DDX25: variants seen among roughly 807,000 people sequenced by gnomAD.
The protein encoded by DDX25 is ATP-dependent RNA helicase DDX25.
Under a neutral mutation model 64.6 loss-of-function variants are expected in DDX25, and 70 were observed. That is an observed-to-expected ratio of 1.08 (90% CI 0.89 to 1.32). The LOEUF is 1.32. Among genes scored for constraint, DDX25 ranks in the 40% most tolerant of loss-of-function variants. The pLI is 0.00. For synonymous variants in DDX25, 211 were observed against 213.3 expected (o/e 0.99, Z 0.09); for missense variants, 587 against 604.4 (o/e 0.97, Z 0.30).
intron 6 of DDX25, 109 bp from the exon 7 acceptor site, chr11:125,910,255 C>A: frequency 1.2e-6 from 1 of 832,716 alleles, no homozygotes. Flanking sequence ...CAACCAAAAC[C>A]TTCAATTTCC....
intron 4 of DDX25, among the ~76,000 whole-genome samples, chr11:125,907,873 A>C (rs1944915235): frequency 6.6e-6 from 1 of 152,248 alleles, no homozygotes; most frequent in East Asian, 1.9e-4. Flanking sequence ...TAGGCAGAAA[A>C]TATAACTCTC....
rs116333528 is a variant in DDX25, at chr11:125,910,358, C to T, written c.508-6C>T. On this transcript the variant is annotated splice_polypyrimidine_tract_variant and splice_region_variant and intron_variant, in intron 6 of 11. Coordinates refer to ENST00000263576, the MANE Select transcript of DDX25 (RefSeq NM_013264.5). ...TCTCCTCCCCTCTTCTCTCTCTATC[C>T]CACAGTGCCTCTGCCTAGCTCCTAC... 1,813 of 1,613,152 alleles carry T rather than the reference C, an allele frequency of 1.1e-3. 16 individuals are homozygous for T. In the African/African-American group the frequency reaches 0.021, roughly 19 times the overall value.
chr11:125,906,111 C>G lies in DDX25; in HGVS notation c.213C>G (p.Ile71Met). The change falls in exon 4 of 12, where the codon ATC becomes ATG. Residue 71 changes from isoleucine to methionine, a missense_variant. Coordinates refer to ENST00000263576, the MANE Select transcript of DDX25 (RefSeq NM_013264.5). The part of the protein sequence containing the change: ...LAANSLLNKL[I>M]HQSLVESSHR... ...CTAATTCACTCTTAAACAAGTTAAT[C>G]CATCAATCCTTAGTAGAATCCAGTC... 5.2e-6 allele frequency: 8 copies of G among 1,547,390 alleles called. No homozygotes were observed. Among genetic ancestry groups the G allele is most frequent in the Non-Finnish European group, 7.0e-6 (8 of 1,145,938 alleles).
chr11:125,920,952 A>G (rs1326684464), intron 10 of DDX25: 5 of 480,318 alleles, frequency 1.0e-5, no homozygotes, highest in Non-Finnish European at 1.9e-5. Flanking sequence ...ACACACACAC[A>G]CGCCTTGTGT....
rs901623640 is a variant in DDX25 at position 125,924,406 on chromosome 11, A to G, written c.*1525A>G. The stretch of plus-strand genomic sequence containing the variant: ...AGCCTAATGGCAGAGACCTAGAATA[A>G]GCCAGCATGATAACAGACTGTGCTA... On this transcript the variant is annotated 3_prime_UTR_variant, in exon 12 of 12. Coordinates refer to ENST00000263576, the MANE Select transcript of DDX25 (RefSeq NM_013264.5). The G allele has an allele frequency of 6.6e-6, 1 of 152,292 alleles. No individual in the cohort carries two copies. The highest frequency in any genetic ancestry group is 2.4e-5 in the African/African-American group (1 of 41,460). The allele number at this position is 152,292 out of a possible 1,614,324, so 9.4% of individuals were successfully genotyped here. A position where few individuals can be genotyped will look rare whatever the true frequency, so the allele number is the denominator to read the frequency against.
Position 125,906,076 on chromosome 11 carries a change from G to C in DDX25, c.178G>C (p.Asp60His), listed in dbSNP as rs574654222. ...INEDDEEDVV[D>H]LAANSLLNKL... ...CTTTTTTATTTTTGCTTTTCTAGTGGATTTGGCAGCTAATTCACTCTTAAA... is the reference window on the plus strand; with the variant it reads ...CTTTTTTATTTTTGCTTTTCTAGTGCATTTGGCAGCTAATTCACTCTTAAA... Residue 60 changes from aspartate to histidine, a missense_variant and splice_region_variant, in exon 4 of 12, where the codon GAT becomes CAT. Transcript: ENST00000263576. 33 of 1,528,818 alleles carry C rather than the reference G, an allele frequency of 2.2e-5. No individual in the cohort carries two copies. In the South Asian group the frequency reaches 3.9e-4, roughly 18 times the overall value. The allele number at this position is 1,528,818 out of a possible 1,614,324, so 94.7% of individuals were successfully genotyped here. A position where few individuals can be genotyped will look rare whatever the true frequency, so the allele number is the denominator to read the frequency against.
rs191578041 is a variant in DDX25, at chr11:125,923,142, A to C, written c.*261A>C. The C allele has an allele frequency of 6.3e-5, 26 of 415,500 alleles. No homozygotes were observed. The highest frequency in any genetic ancestry group is 4.4e-4 in the African/African-American group (22 of 49,456). 25.7% of individuals were successfully genotyped at this position (415,500 alleles called of 1,614,324 possible). On this transcript the variant is annotated 3_prime_UTR_variant, in exon 12 of 12. Coordinates refer to ENST00000263576, the MANE Select transcript of DDX25 (RefSeq NM_013264.5). ...TACAGGTAATGTCTCAATGTGGGCT[A>C]TGGGGGTGTTTTTGGATTTGGTTGA...
intron 7 of DDX25, 110 bp from the exon 8 acceptor site, chr11:125,911,201 T>A (rs1944962823): frequency 9.4e-7 from 1 of 1,068,646 alleles, no homozygotes; most frequent in Non-Finnish European, 1.2e-6. Context: ...ACTTGGAAAA[T>A]TATTACAAAC....
intron 7 of DDX25, 29 bp downstream of exon 7, chr11:125,910,507 A>C: frequency 6.2e-7 from 1 of 1,603,122 alleles, no homozygotes. Flanking sequence ...GTCCTGGCTG[A>C]TTTTTCAAAT....
chr11:125,926,546 CTT>C lies in DDX25; in HGVS notation c.*3678_*3679del, dbSNP rs1365483473. On this transcript the variant is annotated 3_prime_UTR_variant, in exon 12 of 12. Transcript: ENST00000263576. ...GAGAGAATTTGACATTTTCCCTTCT[CTT>C]TTTTTTTTTTTTGAGATGGAGTCTC... is the stretch of plus-strand genomic sequence containing the variant. The C allele has an allele frequency of 9.0e-5, 13 of 143,720 alleles. No homozygotes were observed. The highest frequency in any genetic ancestry group is 2.1e-4 in the Admixed American group (3 of 14,312). The allele number at this position is 143,720 out of a possible 1,614,324, so 8.9% of individuals were successfully genotyped here. A position where few individuals can be genotyped will look rare whatever the true frequency, so the allele number is the denominator to read the frequency against.
At chr11:125,919,570 TCAAGAGA>T (rs1945085276) in intron 10 of DDX25, among the ~76,000 whole-genome samples, 1 of 147,362 alleles carries the variant, frequency 6.8e-6, no homozygotes, top group African/African-American at 2.5e-5. Context: ...TTTTTTTTTT[TCAAGAGA>T]AGGGCCTTCC....
In DDX25 at chr11:125,921,232, C is replaced by G. The variant is rs1398495314; in HGVS notation, c.1243C>G (p.Leu415Val). The G allele has an allele frequency of 6.2e-7, 1 of 1,612,498 alleles. No homozygotes were observed. The highest frequency in any genetic ancestry group is 8.5e-7 in the Non-Finnish European group (1 of 1,179,528). ...GGTCACAATTGTTGTGAACTTTGAT[C>G]TCCCTGTAAAACAAGGAGAGGAGCC... The part of the protein sequence containing the change: ...KQVTIVVNFD[L>V]PVKQGEEPDY... The change falls in exon 11 of 12, where the codon CTC becomes GTC. Residue 415 changes from leucine (L) to valine (V), a missense_variant. Coordinates refer to ENST00000263576, the MANE Select transcript of DDX25 (RefSeq NM_013264.5). The surrounding 1 kb of genome is among the most constrained non-coding windows in gnomAD (Gnocchi z 4.1).
In DDX25 at chr11:125,910,473, A is replaced by G. The variant is rs1427328657; in HGVS notation, c.617A>G (p.Asn206Ser). 1.2e-6 allele frequency: 2 copies of G among 1,613,752 alleles called. No homozygotes were observed. Among genetic ancestry groups the G allele is most frequent in the South Asian group, 2.2e-5 (2 of 91,058 alleles). ...CAAGTGATGTATGCCATTCGAGGGA[A>G]TCGAAGTATGTACCAGTAAGCCAGT... Reference protein sequence around the residue: ...DVQVMYAIRGNRIPRGTDITK... With the variant: ...DVQVMYAIRGSRIPRGTDITK... Residue 206 changes from asparagine (N) to serine (S), a missense_variant, in exon 7 of 12, where the codon AAT (asparagine) becomes AGT (serine). Coordinates refer to ENST00000263576, the MANE Select transcript of DDX25 (RefSeq NM_013264.5).
chr11:125,910,033 T>A (rs758148054), intron 6 of DDX25, among the ~76,000 whole-genome samples: 39 of 152,164 alleles, frequency 2.6e-4, no homozygotes, highest in Non-Finnish European at 4.4e-4. Context: ...ATTCATTGAT[T>A]CCCAGCTTCC....
At position 125,926,933 on chromosome 11, in the gene DDX25, C is replaced by T. The variant is rs1425916281; in HGVS notation, c.*4052C>T. ...GATGTTTTCACCCTCGGGGTTCTGC[C>T]TTATCCCCTGCCACCCTCCTGTGCT... On this transcript the variant is annotated 3_prime_UTR_variant, in exon 12 of 12. Transcript: ENST00000263576. 1.3e-5 allele frequency: 2 copies of T among 152,352 alleles called. No homozygotes were observed. Among genetic ancestry groups the T allele is most frequent in the Non-Finnish European group, 2.9e-5 (2 of 68,176 alleles). The allele number at this position is 152,352 out of a possible 1,614,324, so 9.4% of individuals were successfully genotyped here. A position where few individuals can be genotyped will look rare whatever the true frequency, so the allele number is the denominator to read the frequency against.
chr11:125,904,323 C>A (rs1182168193), upstream of DDX25: 1 of 405,820 alleles, frequency 2.5e-6, no homozygotes, highest in Non-Finnish European at 4.3e-6. Context: ...CTCTGCCCCC[C>A]GCCCCGCTCT....
In DDX25 at chr11:125,928,682, A is replaced by G. The variant is rs1372142107; in HGVS notation, c.*5801A>G. 1.3e-5 allele frequency: 2 copies of G among 152,206 alleles called. No individual in the cohort carries two copies. The highest frequency in any genetic ancestry group is 4.8e-5 in the African/African-American group (2 of 41,462). 9.4% of individuals were successfully genotyped at this position (152,206 alleles called of 1,614,324 possible). A position where few individuals can be genotyped will look rare whatever the true frequency, so the allele number is the denominator to read the frequency against. ...TGTTTCTCTTAGTACAAGCAAGATT[A>G]TATTTTTTAAAGTGGTTCATCATTT... On this transcript the variant is annotated 3_prime_UTR_variant, in exon 12 of 12. Transcript: ENST00000263576.
Position 125,917,312 on chromosome 11 carries a change from C to T in DDX25, c.1038+61C>T, listed in dbSNP as rs188061977. The T allele has an allele frequency of 7.9e-5, 117 of 1,480,772 alleles. 3 individuals are homozygous for T. In the South Asian group the frequency reaches 9.9e-4, roughly 13 times the overall value. 91.7% of individuals were successfully genotyped at this position (1,480,772 alleles called of 1,614,324 possible). The stretch of plus-strand genomic sequence containing the variant: ...TATGCCTACAGGCCGAGGTGGGGGA[C>T]GACAATAAGTGCCCTAGAGCCAGGC... On this transcript the variant is annotated intron_variant, in intron 9 of 11. Transcript: ENST00000263576.
In DDX25 at chr11:125,910,435, C is replaced by G. The variant is rs1367137965; in HGVS notation, c.579C>G (p.Phe193Leu). The G allele has an allele frequency of 1.2e-6, 2 of 1,613,972 alleles. No homozygotes were observed. The highest frequency in any genetic ancestry group is 1.7e-6 in the Non-Finnish European group (2 of 1,179,874). ...TGRVVEQMGK[F>L]CVDVQVMYAI... ...GTGTGGTTGAGCAGATGGGAAAATTCTGTGTGGATGTTCAAGTGATGTATG... is the reference window on the plus strand; with the variant it reads ...GTGTGGTTGAGCAGATGGGAAAATTGTGTGTGGATGTTCAAGTGATGTATG... Residue 193 changes from phenylalanine (F) to leucine (L), a missense_variant, in exon 7 of 12, where the codon TTC becomes TTG. Phe to Leu is a conservative substitution (Grantham distance 22). Transcript: ENST00000263576.
Sources: gnomAD v4.1 joint callset for allele counts (sites outside exome capture counted in the v4.1 genomes callset) on GRCh38, gnomAD v4.1.1 for gene constraint, Gnocchi (gnomAD v3.1) non-coding constraint, MANE v1.5 for transcripts, NCBI Gene and HGNC (gene_info 2026-07-23, HGNC 2026-07-21) for gene names.